The following RYR2 variants were observed in gnomAD, a reference collection of about 807,000 sequenced individuals.
RYR2 encodes ryanodine receptor 2.
In RYR2, 227 loss-of-function variants were observed where a neutral mutation model predicts 601.1. That is an observed-to-expected ratio of 0.38 (90% CI 0.34 to 0.42). The LOEUF (loss-of-function observed/expected upper bound fraction) is 0.42. Ranked by LOEUF, RYR2 falls within the 10% of genes least tolerant of loss-of-function variation. RYR2 has a pLI of 1.00. For missense variants in RYR2, 4,646 were observed against 6,156.5 expected (o/e 0.75, Z 8.21); for synonymous variants, 2,223 against 2,175.1 (o/e 1.02, Z -0.61).
chr1:237,443,988 A>G (rs527352473), intron 13 of RYR2, among the ~76,000 whole-genome samples: 1 of 152,078 alleles, frequency 6.6e-6, no homozygotes, highest in Non-Finnish European at 1.5e-5. Flanking sequence ...ATTCCTTTTG[A>G]TTAGTCTTAT....
chr1:237,319,163 C>T (rs1457164823), intron 2 of RYR2, among the ~76,000 whole-genome samples: 2 of 152,028 alleles, frequency 1.3e-5, no homozygotes, highest in African/African-American at 2.4e-5. Context: ...GTAATTTTTG[C>T]ATCCTTTTTG....
intron 2 of RYR2, among the ~76,000 whole-genome samples, chr1:237,284,550 A>G (rs1445111459): frequency 6.9e-6 from 1 of 144,616 alleles, no homozygotes; most frequent in African/African-American, 2.6e-5. Context: ...TAGTGTGTGT[A>G]TATATATATT....
chr1:237,225,789 G>A (rs775429385), intron 1 of RYR2, among the ~76,000 whole-genome samples: 13 of 152,250 alleles, frequency 8.5e-5, no homozygotes, highest in Non-Finnish European at 1.2e-4. Flanking sequence ...GAGCACGGTG[G>A]CTCATGCCTG....
intron 1 of RYR2, among the ~76,000 whole-genome samples, chr1:237,131,111 G>C (rs1672120793): frequency 2.0e-5 from 3 of 152,100 alleles, no homozygotes; most frequent in Admixed American, 2.0e-4. Context: ...TGAAAGGGAA[G>C]GTGAAGCAGG....
At chr1:237,274,033 A>G (rs1689994399) in intron 2 of RYR2, among the ~76,000 whole-genome samples, 1 of 143,756 alleles carries the variant, frequency 7.0e-6, no homozygotes, top group South Asian at 2.1e-4. Context: ...ATTTTATATT[A>G]TATATAATAT....
At chr1:237,329,204 A>G (rs1205544917) in intron 2 of RYR2, among the ~76,000 whole-genome samples, 1 of 152,106 alleles carries the variant, frequency 6.6e-6, no homozygotes, top group Non-Finnish European at 1.5e-5. Context: ...TTTTTTGAGA[A>G]CAGGGTCTTG....
At chr1:237,208,986 G>GTATATATATATATA (rs1325820873) in intron 1 of RYR2, among the ~76,000 whole-genome samples, 25 of 86,386 alleles carry the variant, frequency 2.9e-4, no homozygotes, top group Admixed American at 9.0e-4. Flanking sequence ...ATATATATAT[G>GTATATATATATATA]TATACTGTAA....
chr1:237,231,622 T>C (rs552041691), intron 1 of RYR2, among the ~76,000 whole-genome samples: 2 of 152,350 alleles, frequency 1.3e-5, no homozygotes, highest in South Asian at 4.1e-4. Flanking sequence ...TAAATCTCTC[T>C]GTAAAACAGA....
At chr1:237,305,504 T>C (rs1031229826) in intron 2 of RYR2, among the ~76,000 whole-genome samples, 1 of 152,222 alleles carries the variant, frequency 6.6e-6, no homozygotes, top group Non-Finnish European at 1.5e-5. Context: ...CAATCACTGC[T>C]TACTGCAGCC....
chr1:237,293,456 C>T (rs374219296), intron 2 of RYR2, among the ~76,000 whole-genome samples: 9 of 152,298 alleles, frequency 5.9e-5, no homozygotes, highest in East Asian at 5.8e-4. Flanking sequence ...ATCCGCCCAC[C>T]TTGGCCTTCC....
chr1:237,453,824 A>C (rs766562970), intron 14 of RYR2, among the ~76,000 whole-genome samples: 1 of 152,182 alleles, frequency 6.6e-6, no homozygotes, highest in Non-Finnish European at 1.5e-5. Flanking sequence ...AAAATACTTC[A>C]TGATATTTTT....
chr1:237,609,135 C>CCT (rs564901040), intron 35 of RYR2, among the ~76,000 whole-genome samples: 9 of 130,004 alleles, frequency 6.9e-5, no homozygotes, highest in Admixed American at 2.5e-4. Flanking sequence ...CTCACTACAA[C>CCT]CTCTCTCTCT....
chr1:237,304,732 T>C (rs1267940396), intron 2 of RYR2, among the ~76,000 whole-genome samples: 1 of 152,228 alleles, frequency 6.6e-6, no homozygotes, highest in South Asian at 2.1e-4. Context: ...ATGAACTTTA[T>C]ATGAATGTCA....
At chr1:237,818,100 G>C (rs115594534) in intron 100 of RYR2, among the ~76,000 whole-genome samples, 378 of 152,242 alleles carry the variant, frequency 2.5e-3, no homozygotes, top group Non-Finnish European at 4.1e-3. Flanking sequence ...AGCTGAGTGT[G>C]GCTAAATTCA....
intron 1 of RYR2, among the ~76,000 whole-genome samples, chr1:237,261,112 C>G (rs1470101677): frequency 6.6e-6 from 1 of 152,200 alleles, no homozygotes; most frequent in Non-Finnish European, 1.5e-5. Context: ...ATGAGATCAA[C>G]TTGTAAGCAC....
chr1:237,406,680 T>A (rs1703938193), intron 10 of RYR2, among the ~76,000 whole-genome samples: 1 of 152,120 alleles, frequency 6.6e-6, no homozygotes, highest in African/African-American at 2.4e-5. Context: ...ATATTAGTAT[T>A]TGTTGAGCTA....
intron 46 of RYR2, among the ~76,000 whole-genome samples, chr1:237,640,284 A>G (rs1163867958): frequency 6.6e-6 from 1 of 152,186 alleles, no homozygotes; most frequent in Non-Finnish European, 1.5e-5. Flanking sequence ...GTGAGCCTCT[A>G]GGGCCATCCA....
chr1:237,295,662 C>A (rs992147), intron 2 of RYR2, among the ~76,000 whole-genome samples: 2 of 151,862 alleles, frequency 1.3e-5, no homozygotes, highest in African/African-American at 2.4e-5. Flanking sequence ...ATATTTTTAC[C>A]GCTAGAATCT....
chr1:237,535,789 A>C (rs1292062676), intron 25 of RYR2, among the ~76,000 whole-genome samples: 1 of 152,246 alleles, frequency 6.6e-6, no homozygotes, highest in African/African-American at 2.4e-5. Flanking sequence ...GGTTAACATT[A>C]GAAAATGTAT....
Sources: allele counts gnomAD v4.1 joint callset (sites outside exome capture counted in the v4.1 genomes callset), GRCh38; gene constraint gnomAD v4.1.1; transcripts MANE v1.5; gene names NCBI Gene and HGNC (gene_info 2026-07-23, HGNC 2026-07-21).